AKAP8: variants seen among roughly 807,000 people sequenced by gnomAD.
The protein encoded by AKAP8 is A-kinase anchoring protein 8, also known as A-kinase anchor protein 8.
In AKAP8, 24 loss-of-function variants were observed where a neutral mutation model predicts 67.5. That is an observed-to-expected ratio of 0.36 (90% CI 0.26 to 0.50). The LOEUF is 0.50. Ranked by LOEUF, AKAP8 falls within the 20% of genes least tolerant of loss-of-function variation. AKAP8 has a pLI of 0.97. For synonymous variants in AKAP8, 400 were observed against 371.1 expected, an observed-to-expected ratio of 1.08 and a Z score of -0.90; for missense variants, 971 against 955.9, an observed-to-expected ratio of 1.02 and a Z score of -0.21.
At chr19:15,357,658 C>A (rs1449282649) in intron 13 of AKAP8, among the ~76,000 whole-genome samples, 3 of 150,764 alleles carry the variant, frequency 2.0e-5, no homozygotes, top group Non-Finnish European at 4.4e-5. Flanking sequence ...GAAACTTTTA[C>A]CTTGCTTAAG....
chr19:15,356,353 C>A (rs1046135872), intron 13 of AKAP8, among the ~76,000 whole-genome samples: 1 of 151,886 alleles, frequency 6.6e-6, no homozygotes, highest in Non-Finnish European at 1.5e-5. Flanking sequence ...TGCAGTAAGT[C>A]GAGATCACGC....
In AKAP8 at chr19:15,373,290, G is replaced by A. The variant is rs778326770; in HGVS notation, c.422C>T (p.Pro141Leu). 2.2e-5 allele frequency: 36 copies of A among 1,613,376 alleles called. No individual in the cohort carries two copies. The highest frequency in any genetic ancestry group is 1.6e-4 in the Middle Eastern group (1 of 6,082). ...FESYDSRPCL[P>L]EHNPYRPSYS... is the part of the protein sequence containing the mutation. The stretch of plus-strand genomic sequence containing the variant: ...GCTGGGGCGGTAGGGGTTGTGCTCC[G>A]GCAGGCAGGGCCTGGAGTCATAGGA... Residue 141 changes from proline to leucine, a missense_variant, in exon 5 of 14, where the codon CCG becomes CTG. Around this residue, in one of 3 missense-constraint regions of AKAP8, gnomAD observed 763 missense variants for 745.4 expected, o/e 1.02. Coordinates refer to ENST00000269701, the MANE Select transcript of AKAP8 (RefSeq NM_005858.4).
intron 13 of AKAP8, among the ~76,000 whole-genome samples, chr19:15,357,206 G>A (rs921097649): frequency 7.3e-5 from 11 of 151,316 alleles, no homozygotes; most frequent in South Asian, 2.1e-4. Context: ...TGATGCACCC[G>A]CCTCGGCCTC....
intron 9 of AKAP8, among the ~76,000 whole-genome samples, chr19:15,366,541 T>G (rs1484832496): frequency 2.0e-5 from 3 of 152,136 alleles, no homozygotes; most frequent in Non-Finnish European, 4.4e-5. Flanking sequence ...TTTTTTTTTT[T>G]TTGTTCCTGA....
chr19:15,373,061 A>C lies in AKAP8; in HGVS notation c.651T>G (p.Ser217=). ...SDPFVPPAAS[S]EPLSTPWNEL... ...CGTTCCAGGGCGTGGACAGGGGCTC[A>C]GAGGACGCAGCGGGGGGCACGAAGG... is the stretch of plus-strand genomic sequence containing the variant. Residue 217 remains serine, a synonymous_variant, in exon 5 of 14, where the codon TCT becomes TCG. Transcript: ENST00000269701. 1.2e-6 allele frequency: 2 copies of C among 1,607,086 alleles called. No individual in the cohort carries two copies. The highest frequency in any genetic ancestry group is 1.7e-6 in the Non-Finnish European group (2 of 1,176,292).
intron 8 of AKAP8, chr19:15,368,556 G>A (rs9305061): frequency 0.75 from 737,598 of 984,994 alleles, 276,872 homozygotes; most frequent in East Asian, 0.99. Context: ...GAGGCGGCCA[G>A]GATGGGCTAG....
intron 13 of AKAP8, among the ~76,000 whole-genome samples, chr19:15,356,527 G>A (rs1176314880): frequency 6.6e-6 from 1 of 152,162 alleles, no homozygotes; most frequent in Non-Finnish European, 1.5e-5. Context: ...ACTTTGGGAG[G>A]CTGGGGCTGG....
intron 12 of AKAP8, among the ~76,000 whole-genome samples, 168 bp downstream of exon 12, chr19:15,360,680 C>T (rs1966949851): frequency 6.6e-6 from 1 of 152,204 alleles, no homozygotes; most frequent in Admixed American, 6.5e-5. Flanking sequence ...CACATTTTCT[C>T]ACATTTTTAT....
intron 9 of AKAP8, among the ~76,000 whole-genome samples, chr19:15,367,103 C>T (rs982914179): frequency 6.6e-6 from 1 of 152,178 alleles, no homozygotes. Flanking sequence ...AGATGGGTTT[C>T]ACCATATTGA....
chr19:15,374,690 AC>A, intron 2 of AKAP8, 55 bp from the exon 3 acceptor site: 1 of 1,597,556 alleles, frequency 6.3e-7, no homozygotes, highest in Non-Finnish European at 8.6e-7. Flanking sequence ...AGGCACTGAC[AC>A]CCCAGCTGTC....
intron 6 of AKAP8, 66 bp from the exon 7 acceptor site, chr19:15,372,064 C>T: frequency 6.2e-7 from 1 of 1,611,158 alleles, no homozygotes; most frequent in Non-Finnish European, 8.5e-7. Flanking sequence ...TCCGCCCTCC[C>T]AAGCTCGCCA....
At chr19:15,361,558 C>CA (rs1362972504) in intron 11 of AKAP8, 171 bp downstream of exon 11, 160 of 563,400 alleles carry the variant, frequency 2.8e-4, no homozygotes, top group Non-Finnish European at 2.8e-4. Flanking sequence ...TTCACCGTGT[C>CA]AGACAGGATG....
At chr19:15,358,482 C>A (rs1966913991) in intron 13 of AKAP8, among the ~76,000 whole-genome samples, 1 of 151,872 alleles carries the variant, frequency 6.6e-6, no homozygotes, top group Admixed American at 6.6e-5. Flanking sequence ...AAACTATTGG[C>A]ATTACAGGCA....
intron 4 of AKAP8, 77 bp from the exon 5 acceptor site, chr19:15,373,417 G>A (rs946466767): frequency 5.8e-5 from 86 of 1,484,038 alleles, no homozygotes; most frequent in Admixed American, 2.0e-4. Flanking sequence ...TAACCTCGAC[G>A]CCCCTACATT....
rs761392745 is a variant in AKAP8 at position 15,362,290 on chromosome 19, CATCAGCGAGT to C, written c.1161-49_1161-40del. ...ACAAGGAGGGGAGTGAAGCAGGGAG[CATCAGCGAGT>C]GAAGCAGGGGGCATCAGCTCACCTC... On this transcript the variant is annotated intron_variant, in intron 9 of 13. Coordinates refer to ENST00000269701, the MANE Select transcript of AKAP8 (RefSeq NM_005858.4). The C allele has an allele frequency of 3.7e-6, 6 of 1,610,868 alleles. 1 individual carries two copies. In the South Asian group the frequency reaches 6.6e-5, roughly 18 times the overall value.
intron 9 of AKAP8, among the ~76,000 whole-genome samples, chr19:15,364,081 TAAATAAATAA>T (rs1243173086): frequency 8.1e-5 from 1 of 12,290 alleles, no homozygotes; most frequent in African/African-American, 4.0e-4. Flanking sequence ...AATAAATAAA[TAAATAAATAA>T]ATAAATTGGC....
chr19:15,377,115 C>A, intron 1 of AKAP8, 101 bp from the exon 2 acceptor site: 1 of 1,382,932 alleles, frequency 7.2e-7, no homozygotes, highest in Non-Finnish European at 1.0e-6. Context: ...TCAGTGCCAG[C>A]CTTAGAAGAA....
chr19:15,379,751 A>G lies in AKAP8; in HGVS notation c.-20T>C, dbSNP rs766088287. 1 of 1,610,848 alleles carries G rather than the reference A, an allele frequency of 6.2e-7. No individual in the cohort carries two copies. Among genetic ancestry groups the G allele is most frequent in the Non-Finnish European group, 8.5e-7 (1 of 1,178,814 alleles). ...GTCCATGTCTTCGACGCGGCCCACCAGCAGCCCCGTTTACTAGGCGACCAC... is the reference window on the plus strand; with the variant it reads ...GTCCATGTCTTCGACGCGGCCCACCGGCAGCCCCGTTTACTAGGCGACCAC... On this transcript the variant is annotated 5_prime_UTR_variant, in exon 1 of 14. Coordinates refer to ENST00000269701, the MANE Select transcript of AKAP8 (RefSeq NM_005858.4).
intron 13 of AKAP8, among the ~76,000 whole-genome samples, chr19:15,358,534 G>A (rs1403509630): frequency 6.6e-6 from 1 of 151,854 alleles, no homozygotes; most frequent in African/African-American, 2.4e-5. Context: ...TTATTTTCAA[G>A]ACCAGTCTTG....
Sources: gnomAD v4.1 joint callset for allele counts (sites outside exome capture counted in the v4.1 genomes callset) on GRCh38, gnomAD v4.1.1 for gene constraint, gnomAD v4.1.1 regional missense constraint, MANE v1.5 for transcripts, NCBI Gene and HGNC (gene_info 2026-07-23, HGNC 2026-07-21) for gene names.